The following PACSIN1 variants were observed in gnomAD, a reference collection of about 807,000 sequenced individuals.
PACSIN1 encodes protein kinase C and casein kinase substrate in neurons 1, also known as protein kinase C and casein kinase substrate in neurons protein 1.
A neutral mutation model predicts 59.5 loss-of-function variants in PACSIN1; 15 were observed. That is an observed-to-expected ratio of 0.25 (90% CI 0.17 to 0.39). PACSIN1 has a LOEUF of 0.39. Ranked by LOEUF, PACSIN1 falls within the 10% of genes least tolerant of loss-of-function variation. PACSIN1 has a pLI of 1.00. For synonymous variants in PACSIN1, 210 were observed against 220.6 expected (o/e 0.95, Z 0.42); for missense variants, 420 against 580.2 (o/e 0.72, Z 2.84).
At chr6:34,510,781 C>T (rs905995588) in intron 1 of PACSIN1, among the ~76,000 whole-genome samples, 1 of 152,216 alleles carries the variant, frequency 6.6e-6, no homozygotes, top group African/African-American at 2.4e-5. Flanking sequence ...GATGCGATCA[C>T]GGCTCACTGC....
chr6:34,476,969 A>C (rs1766647164), intron 1 of PACSIN1, among the ~76,000 whole-genome samples: 2 of 152,194 alleles, frequency 1.3e-5, no homozygotes, highest in African/African-American at 4.8e-5. Flanking sequence ...TGGGCACTCC[A>C]GGCCTGTGTC....
rs761073412 is a variant in PACSIN1, at chr6:34,528,615, T to A, written c.221-27T>A. On this transcript the variant is annotated intron_variant, in intron 3 of 9. Transcript: ENST00000244458. The stretch of plus-strand genomic sequence containing the variant: ...GGCCTCTGGGCAGGGGCAATGAGGT[T>A]CTTGTGACCTATTGCCATTCCCTCA... The A allele has an allele frequency of 1.9e-6, 3 of 1,562,298 alleles. No individual in the cohort carries two copies. In the South Asian group the frequency reaches 3.3e-5, roughly 17 times the overall value.
intron 1 of PACSIN1, among the ~76,000 whole-genome samples, chr6:34,470,644 G>T (rs959433742): frequency 6.6e-6 from 1 of 151,920 alleles, no homozygotes; most frequent in Non-Finnish European, 1.5e-5. Context: ...CTCCTGAGTA[G>T]CTGAGTGCTA....
At chr6:34,476,670 C>A (rs944147786) in intron 1 of PACSIN1, among the ~76,000 whole-genome samples, 1 of 152,166 alleles carries the variant, frequency 6.6e-6, no homozygotes, top group South Asian at 2.1e-4. Context: ...GCTGGGTGGG[C>A]CTTTCTGCCA....
Position 34,488,695 on chromosome 6 carries a change from G to A in PACSIN1, c.-64+22425G>A, listed in dbSNP as rs1027957138. On this transcript the variant is annotated intron_variant, in intron 1 of 9. Coordinates refer to ENST00000244458, the MANE Select transcript of PACSIN1 (RefSeq NM_020804.5). This position sits in a 1 kb window ranked among gnomAD's most constrained non-coding sequence, Gnocchi z 4.7. ...CAGAAGACAGCTCACCATCCTTGCA[G>A]GAGATCAGCTCCAAGCTGGCACCTC... 6.6e-6 allele frequency among the ~76,000 whole-genome samples: 1 copy of A among 152,124 alleles called. No individual in the cohort carries two copies. Among genetic ancestry groups the A allele is most frequent in the African/African-American group, 2.4e-5 (1 of 41,416 alleles).
At chr6:34,481,890 A>G (rs1054957775) in intron 1 of PACSIN1, among the ~76,000 whole-genome samples, 3 of 152,146 alleles carry the variant, frequency 2.0e-5, no homozygotes, top group African/African-American at 7.2e-5. Context: ...CCGCTATCTA[A>G]TTCCAGAATA....
At chr6:34,480,304 A>G (rs1766698324) in intron 1 of PACSIN1, among the ~76,000 whole-genome samples, 1 of 146,956 alleles carries the variant, frequency 6.8e-6, no homozygotes, top group Non-Finnish European at 1.5e-5. Context: ...GGCTCAGTGT[A>G]ACCTCTGCCT....
At chr6:34,473,588 C>A (rs979523864) in intron 1 of PACSIN1, among the ~76,000 whole-genome samples, 6 of 151,988 alleles carry the variant, frequency 3.9e-5, no homozygotes, top group African/African-American at 1.5e-4. Context: ...GAGGGGCAGC[C>A]GAGGCAGGGC....
chr6:34,478,369 CTTT>C (rs35124068), intron 1 of PACSIN1, among the ~76,000 whole-genome samples: 138 of 67,862 alleles, frequency 2.0e-3, no homozygotes, highest in Non-Finnish European at 2.7e-3. Context: ...TATTTATCTT[CTTT>C]TTTTTTTTTT....
chr6:34,531,506 A>T lies in PACSIN1; in HGVS notation c.1038-94A>T. 1 of 1,301,810 alleles carries T rather than the reference A, an allele frequency of 7.7e-7. No individual in the cohort carries two copies. Among genetic ancestry groups the T allele is most frequent in the Admixed American group, 1.9e-5 (1 of 52,010 alleles). The allele number at this position is 1,301,810 out of a possible 1,614,324, so 80.6% of individuals were successfully genotyped here. A position where few individuals can be genotyped will look rare whatever the true frequency, so the allele number is the denominator to read the frequency against. On this transcript the variant is annotated intron_variant, in intron 8 of 9. Coordinates refer to ENST00000244458, the MANE Select transcript of PACSIN1 (RefSeq NM_020804.5). The surrounding 1 kb of genome is among the most constrained non-coding windows in gnomAD (Gnocchi z 4.4). ...CCAATCCTTGCTCTAGCCTTGGTAG[A>T]ATTCGGGATCAGGGCTCTGATTAGG...
intron 1 of PACSIN1, among the ~76,000 whole-genome samples, chr6:34,494,985 CAA>C (rs1766927630): frequency 6.6e-6 from 1 of 152,138 alleles, no homozygotes; most frequent in Non-Finnish European, 1.5e-5. Context: ...ATTTACCATT[CAA>C]GTCATTTGGC....
intron 1 of PACSIN1, among the ~76,000 whole-genome samples, chr6:34,475,254 C>T (rs1581955968): frequency 6.6e-6 from 1 of 152,026 alleles, no homozygotes; most frequent in Admixed American, 6.6e-5. Flanking sequence ...CAGAGCTGAC[C>T]GCCTCCTCCT....
intron 1 of PACSIN1, among the ~76,000 whole-genome samples, chr6:34,491,904 G>A (rs747871465): frequency 6.6e-6 from 1 of 152,070 alleles, no homozygotes. Flanking sequence ...GAACCACCGC[G>A]CCCGGCCCCC....
chr6:34,490,135 T>C (rs1766853757), intron 1 of PACSIN1, among the ~76,000 whole-genome samples: 2 of 151,564 alleles, frequency 1.3e-5, no homozygotes, highest in South Asian at 4.2e-4. Flanking sequence ...GATGGCAGCC[T>C]CGACCTCTGG....
In PACSIN1 at chr6:34,531,241, C is replaced by T. The variant is rs1424206344; in HGVS notation, c.1038-359C>T. 1.3e-5 allele frequency among the ~76,000 whole-genome samples: 2 copies of T among 152,180 alleles called. No homozygotes were observed. Among genetic ancestry groups the T allele is most frequent in the African/African-American group, 4.8e-5 (2 of 41,430 alleles). On this transcript the variant is annotated intron_variant, in intron 8 of 9. Coordinates refer to ENST00000244458, the MANE Select transcript of PACSIN1 (RefSeq NM_020804.5). The surrounding 1 kb of genome is among the most constrained non-coding windows in gnomAD (Gnocchi z 4.4). ...ACTGAAACCCAGACAGGTTAAGTGA[C>T]TTGCCCAAGATCACATTGCTAGTTA... is the stretch of plus-strand genomic sequence containing the variant.
chr6:34,510,269 C>A (rs1202995107), intron 1 of PACSIN1, among the ~76,000 whole-genome samples: 1 of 152,248 alleles, frequency 6.6e-6, no homozygotes, highest in Non-Finnish European at 1.5e-5. Context: ...CACGTAAAAA[C>A]CACTGTGATC....
intron 1 of PACSIN1, among the ~76,000 whole-genome samples, chr6:34,482,685 T>TTTTTG (rs1491253867): frequency 3.7e-5 from 1 of 27,364 alleles, no homozygotes; most frequent in Non-Finnish European, 6.2e-5. Context: ...TTTGTTTTTG[T>TTTTTG]TTTTTTTTTT....
At position 34,529,779 on chromosome 6, in the gene PACSIN1, G is replaced by A; in HGVS notation, c.726G>A (p.Leu242=). ...GCCAGCAATTTGAGGAAAAGCGGCT[G>A]GTCTTCCTCAAGGAGGTGCTGCTGG... ...EQCQQFEEKR[L]VFLKEVLLDI... The change falls in exon 6 of 10, where the codon CTG becomes CTA. Residue 242 remains leucine, a synonymous_variant. Coordinates refer to ENST00000244458, the MANE Select transcript of PACSIN1 (RefSeq NM_020804.5). This position sits in a 1 kb window ranked among gnomAD's most constrained non-coding sequence, Gnocchi z 6.3. 1.9e-6 allele frequency: 3 copies of A among 1,614,052 alleles called. No individual in the cohort carries two copies. The highest frequency in any genetic ancestry group is 2.5e-6 in the Non-Finnish European group (3 of 1,180,002).
At chr6:34,489,042 G>A (rs1249921926) in intron 1 of PACSIN1, among the ~76,000 whole-genome samples, 1 of 152,002 alleles carries the variant, frequency 6.6e-6, no homozygotes, top group Non-Finnish European at 1.5e-5. Context: ...TTAGCCAGGT[G>A]TGGCGGCATG....
Sources: allele counts gnomAD v4.1 joint callset (sites outside exome capture counted in the v4.1 genomes callset), GRCh38; gene constraint gnomAD v4.1.1; non-coding constraint Gnocchi (gnomAD v3.1); transcripts MANE v1.5; gene names NCBI Gene and HGNC (gene_info 2026-07-23, HGNC 2026-07-21).